CYP7B1: variants seen among roughly 807,000 people sequenced by gnomAD.
CYP7B1 encodes cytochrome P450 family 7 subfamily B member 1.
A neutral mutation model predicts 42.7 loss-of-function variants in CYP7B1; 29 were observed. The ratio of observed to expected loss-of-function variants is 0.68; its 90% CI spans 0.51 to 0.93. The LOEUF is 0.93. Ranked by LOEUF, CYP7B1 falls within the 40% of genes least tolerant of loss-of-function variation. The probability of loss-of-function intolerance (pLI) is 0.00; values close to 1 mark genes in which losing one functional copy is unlikely to be tolerated. For synonymous variants in CYP7B1, 235 were observed against 218.2 expected, an observed-to-expected ratio of 1.08 and a Z score of -0.68; for missense variants, 655 against 600.5, an observed-to-expected ratio of 1.09 and a Z score of -0.95.
chr8:64,687,735 C>A (rs1806677592), intron 1 of CYP7B1, among the ~76,000 whole-genome samples: 1 of 152,162 alleles, frequency 6.6e-6, no homozygotes, highest in African/African-American at 2.4e-5. Flanking sequence ...TTAAAAATCA[C>A]TCCTTGGATA....
At chr8:64,752,585 G>A (rs900767164) in intron 1 of CYP7B1, among the ~76,000 whole-genome samples, 2 of 152,136 alleles carry the variant, frequency 1.3e-5, no homozygotes, top group African/African-American at 4.8e-5. Flanking sequence ...GGTGGTAAGA[G>A]ATACAGAATG....
intron 1 of CYP7B1, among the ~76,000 whole-genome samples, chr8:64,677,236 A>G (rs1806459479): frequency 6.6e-6 from 1 of 152,008 alleles, no homozygotes; most frequent in African/African-American, 2.4e-5. Flanking sequence ...TAAAATTCAG[A>G]ACAAAGCATT....
At position 64,667,877 on chromosome 8, in the gene CYP7B1, C is replaced by T. The variant is rs112779953; in HGVS notation, c.123-43338G>A. 1.2e-3 allele frequency among the ~76,000 whole-genome samples: 190 copies of T among 152,208 alleles called. 2 individuals are homozygous for T. The highest frequency in any genetic ancestry group is 4.4e-3 in the African/African-American group (183 of 41,546). On this transcript the variant is annotated intron_variant, in intron 1 of 5. Coordinates refer to ENST00000310193, the MANE Select transcript of CYP7B1 (RefSeq NM_004820.5). ...CTAGATATAGCATACACATAGTAGGCGTTCTTGAGTGTTTTTGCAAATTCA... is the reference window on the plus strand; with the variant it reads ...CTAGATATAGCATACACATAGTAGGTGTTCTTGAGTGTTTTTGCAAATTCA...
chr8:64,665,559 G>GTTTTTTTTTTTTTTTTTTTTTTTTTTTTT (rs540578806), intron 1 of CYP7B1, among the ~76,000 whole-genome samples: 2 of 52,022 alleles, frequency 3.8e-5, no homozygotes, highest in African/African-American at 8.5e-5. Context: ...TTTTTTGGTG[G>GTTTTTTTTTTTTTTTTTTTTTTTTTTTTT]TTTTTTTTTT....
intron 5 of CYP7B1, among the ~76,000 whole-genome samples, chr8:64,604,143 G>A (rs561597049): frequency 2.2e-4 from 34 of 152,114 alleles, no homozygotes; most frequent in Non-Finnish European, 2.8e-4. Context: ...AGCTTCACCC[G>A]TGAGCAGCAG....
rs1303901361 is a variant in CYP7B1 at position 64,594,843 on chromosome 8, G to T, written c.*1799C>A. ...TGTATGTAGAGTGAGAGGATCTAAT[G>T]TAGAGTGTGAGAACAGTAATATTCA... On this transcript the variant is annotated 3_prime_UTR_variant, in exon 6 of 6. Coordinates refer to ENST00000310193, the MANE Select transcript of CYP7B1 (RefSeq NM_004820.5). Among the ~76,000 whole-genome samples the T allele has an allele frequency of 6.6e-6, 1 of 152,238 alleles. No homozygotes were observed. The highest frequency in any genetic ancestry group is 2.4e-5 in the African/African-American group (1 of 41,466).
At chr8:64,659,556 T>C (rs1221148381) in intron 1 of CYP7B1, among the ~76,000 whole-genome samples, 1 of 152,208 alleles carries the variant, frequency 6.6e-6, no homozygotes, top group Non-Finnish European at 1.5e-5. Flanking sequence ...TGATTTCCTA[T>C]TGATACATAC....
At chr8:64,643,120 C>CACATATATATACATATATATACAT (rs112147162) in intron 1 of CYP7B1, among the ~76,000 whole-genome samples, 1 of 32,210 alleles carries the variant, frequency 3.1e-5, no homozygotes, top group Non-Finnish European at 7.3e-5. Context: ...CATATATATA[C>CACATATATATACATATATATACAT]ATATATACAT....
At chr8:64,743,648 T>C (rs1259729848) in intron 1 of CYP7B1, among the ~76,000 whole-genome samples, 1 of 152,096 alleles carries the variant, frequency 6.6e-6, no homozygotes, top group Non-Finnish European at 1.5e-5. Flanking sequence ...TGTACCTCCT[T>C]TTATTATGAC....
At chr8:64,772,349 C>T (rs1804249675) in intron 1 of CYP7B1, among the ~76,000 whole-genome samples, 1 of 152,160 alleles carries the variant, frequency 6.6e-6, no homozygotes, top group Admixed American at 6.5e-5. Context: ...CTTTTAGCTC[C>T]ATGGACTTTG....
intron 1 of CYP7B1, among the ~76,000 whole-genome samples, chr8:64,666,245 CAG>C (rs1331289049): frequency 2.2e-4 from 34 of 152,138 alleles, no homozygotes; most frequent in Non-Finnish European, 4.7e-4. Flanking sequence ...GAGACAGAGT[CAG>C]AGTCACTCAG....
chr8:64,703,843 G>A (rs776665245), intron 1 of CYP7B1: 1 of 152,018 alleles, frequency 6.6e-6, no homozygotes, highest in Non-Finnish European at 1.5e-5. Context: ...AGACATGAGC[G>A]ATTTGAACTA....
chr8:64,596,054 T>G lies in CYP7B1; in HGVS notation c.*588A>C, dbSNP rs1805112754. ...ATAGTATACAAAGTAATAAGGAACA[T>G]TTATGCATGATTAAATATTGAAGTG... On this transcript the variant is annotated 3_prime_UTR_variant, in exon 6 of 6. Coordinates refer to ENST00000310193, the MANE Select transcript of CYP7B1 (RefSeq NM_004820.5). The G allele has an allele frequency of 1.2e-5, 2 of 161,504 alleles. No individual in the cohort carries two copies. 10.0% of individuals were successfully genotyped at this position (161,504 alleles called of 1,614,324 possible).
chr8:64,730,751 G>GCGCACA (rs1554536382), intron 1 of CYP7B1, among the ~76,000 whole-genome samples: 3 of 142,864 alleles, frequency 2.1e-5, no homozygotes, highest in Non-Finnish European at 4.5e-5. Context: ...AGGACTGTCT[G>GCGCACA]CACACACACA....
At chr8:64,634,494 G>A (rs1480257227) in intron 1 of CYP7B1, among the ~76,000 whole-genome samples, 1 of 151,336 alleles carries the variant, frequency 6.6e-6, no homozygotes, top group East Asian at 1.9e-4. Context: ...CAGGAGAATC[G>A]CTTGAACCTG....
intron 1 of CYP7B1, among the ~76,000 whole-genome samples, chr8:64,681,528 A>C (rs1454280214): frequency 6.6e-6 from 1 of 152,192 alleles, no homozygotes; most frequent in Non-Finnish European, 1.5e-5. Flanking sequence ...TTCCAAGGTT[A>C]GTTTATAAAA....
At chr8:64,726,085 T>C (rs995656550) in intron 1 of CYP7B1, among the ~76,000 whole-genome samples, 8 of 152,218 alleles carry the variant, frequency 5.3e-5, no homozygotes, top group African/African-American at 1.9e-4. Flanking sequence ...AATTAAGGTG[T>C]TGTCTTCTTG....
At chr8:64,666,711 T>C (rs888939117) in intron 1 of CYP7B1, among the ~76,000 whole-genome samples, 3 of 152,216 alleles carry the variant, frequency 2.0e-5, no homozygotes, top group Non-Finnish European at 2.9e-5. Context: ...TATTCAATTA[T>C]TTTGGATTTT....
chr8:64,629,720 T>A (rs186244995), intron 1 of CYP7B1, among the ~76,000 whole-genome samples: 15 of 152,344 alleles, frequency 9.8e-5, no homozygotes, highest in Admixed American at 3.9e-4. Context: ...CTCTTGGAAC[T>A]GAATTCTTGA....
Sources: allele counts gnomAD v4.1 joint callset (sites outside exome capture counted in the v4.1 genomes callset), GRCh38; gene constraint gnomAD v4.1.1; transcripts MANE v1.5; gene names NCBI Gene and HGNC (gene_info 2026-07-23, HGNC 2026-07-21).